Variants in CADPS observed in about 807,000 individuals in gnomAD.
The protein encoded by CADPS is calcium dependent secretion activator.
Under a neutral mutation model 167.3 loss-of-function variants are expected in CADPS, and 57 were observed. The observed-to-expected ratio is 0.34, with a 90% CI of 0.28 to 0.42. The LOEUF (loss-of-function observed/expected upper bound fraction) is 0.42. Among genes scored for constraint, CADPS ranks in the 20% least tolerant of loss-of-function variants. CADPS has a pLI of 1.00. For missense variants in CADPS, 1,414 were observed against 1,738.1 expected (o/e 0.81, Z 3.32); for synonymous variants, 676 against 635.3 (o/e 1.06, Z -0.96).
In CADPS at chr3:62,516,108, C is replaced by G. The variant is rs762089492; in HGVS notation, c.2532G>C (p.Gln844His). ...GCCGAGAATAGTTGACTAACGCAGC[C>G]TGTTCCAGACATTTACGGATAACTG... is the stretch of plus-strand genomic sequence containing the variant. ...VKTVIRKCLEQAALVNYSRLS... is the reference protein window; with the variant it reads ...VKTVIRKCLEHAALVNYSRLS... The change falls in exon 16 of 30, where the codon CAG becomes CAC. Residue 844 changes from glutamine to histidine, a missense_variant. Around this residue, in one of 6 missense-constraint regions of CADPS, gnomAD observed 529 missense variants for 629.6 expected, o/e 0.84. Transcript: ENST00000383710. 3.7e-6 allele frequency: 6 copies of G among 1,613,270 alleles called. No homozygotes were observed. In the African/African-American group the frequency reaches 4.0e-5, roughly 11 times the overall value.
intron 4 of CADPS, among the ~76,000 whole-genome samples, chr3:62,658,766 G>A (rs1004992044): frequency 6.6e-6 from 1 of 152,086 alleles, no homozygotes; most frequent in Admixed American, 6.6e-5. Context: ...TGTATTCAAC[G>A]AGACTTTCAC....
chr3:62,491,518 G>C lies in CADPS; in HGVS notation c.2885-38C>G, dbSNP rs762074047. 3.2e-6 allele frequency: 5 copies of C among 1,583,794 alleles called. No individual in the cohort carries two copies. The South Asian group carries it at 5.6e-5, about 18-fold the overall frequency. On this transcript the variant is annotated intron_variant, in intron 20 of 29. Coordinates refer to ENST00000383710, the MANE Select transcript of CADPS (RefSeq NM_003716.4). ...AGCAAAAGCTTGTTAAGAACCCACA[G>C]CTACTTTATCAACGTACAACACACA...
chr3:62,584,992 A>G (rs1040567546), intron 8 of CADPS, among the ~76,000 whole-genome samples, 193 bp downstream of exon 8: 2 of 152,384 alleles, frequency 1.3e-5, no homozygotes, highest in South Asian at 2.1e-4. Context: ...CTATTTTGAC[A>G]GCAAAAATGC....
At chr3:62,534,187 TGG>T (rs1027812248) in intron 12 of CADPS, among the ~76,000 whole-genome samples, 1 of 152,204 alleles carries the variant, frequency 6.6e-6, no homozygotes, top group Non-Finnish European at 1.5e-5. Context: ...GCTGGAAATT[TGG>T]GGCTATTTTA....
intron 28 of CADPS, among the ~76,000 whole-genome samples, chr3:62,406,788 C>G (rs545503425): frequency 6.6e-6 from 1 of 152,326 alleles, no homozygotes. Context: ...TCATAGACAA[C>G]AGGGCCCTTG....
intron 3 of CADPS, among the ~76,000 whole-genome samples, chr3:62,675,344 T>C (rs2076179768): frequency 6.6e-6 from 1 of 152,196 alleles, no homozygotes. Flanking sequence ...TTGGTTAAAG[T>C]GCTTAAAATA....
chr3:62,821,947 C>T (rs1011439361), intron 1 of CADPS, among the ~76,000 whole-genome samples: 3 of 152,150 alleles, frequency 2.0e-5, no homozygotes, highest in African/African-American at 7.2e-5. Context: ...GTCTCTGCCT[C>T]CTTGCTGGCT....
chr3:62,611,921 T>C (rs56319207), intron 6 of CADPS, among the ~76,000 whole-genome samples: 12 of 152,304 alleles, frequency 7.9e-5, no homozygotes, highest in African/African-American at 2.6e-4. Context: ...ATGTTTTATT[T>C]CTGTTTTTGT....
rs76017979 is a variant in CADPS at position 62,478,675 on chromosome 3, G to A, written c.3174-259C>T. 2.5e-3 allele frequency among the ~76,000 whole-genome samples: 386 copies of A among 152,292 alleles called. 6 individuals carry two copies. The highest frequency in any genetic ancestry group is 8.8e-3 in the African/African-American group (365 of 41,562). On this transcript the variant is annotated intron_variant, in intron 22 of 29. Transcript: ENST00000383710. The surrounding 1 kb of genome is among the most constrained non-coding windows in gnomAD (Gnocchi z 5.7). ...AGGTGTTGCCCCATAACAACCAGGA[G>A]AATGGTGTATGGTAAAAATCAGCCT...
At chr3:62,585,109 G>C (rs1308394767) in intron 8 of CADPS, 76 bp downstream of exon 8, 1 of 1,336,494 alleles carries the variant, frequency 7.5e-7, no homozygotes, top group Non-Finnish European at 1.1e-6. Context: ...TGAAGATCTT[G>C]TGTTTATTTT....
intron 3 of CADPS, among the ~76,000 whole-genome samples, chr3:62,741,285 T>C (rs1055447179): frequency 6.6e-6 from 1 of 152,120 alleles, no homozygotes; most frequent in East Asian, 1.9e-4. Flanking sequence ...AAGGCCAGCA[T>C]CATCTTGACA....
chr3:62,510,851 G>T (rs1039756794), intron 17 of CADPS, among the ~76,000 whole-genome samples: 2 of 151,960 alleles, frequency 1.3e-5, no homozygotes, highest in African/African-American at 4.8e-5. Flanking sequence ...GGGTAAGAAA[G>T]AAAAAACATT....
At chr3:62,450,831 CT>C (rs1445509188) in intron 26 of CADPS, among the ~76,000 whole-genome samples, 1 of 152,110 alleles carries the variant, frequency 6.6e-6, no homozygotes, top group Non-Finnish European at 1.5e-5. Context: ...CCTCAACAAC[CT>C]TTTGAGGGGG....
chr3:62,747,037 G>A (rs928252198), intron 3 of CADPS, among the ~76,000 whole-genome samples: 4 of 152,182 alleles, frequency 2.6e-5, no homozygotes, highest in African/African-American at 9.7e-5. Flanking sequence ...AGGACAATTA[G>A]TCAGGAGCCA....
At chr3:62,442,276 A>G (rs976361210) in intron 27 of CADPS, among the ~76,000 whole-genome samples, 1 of 151,414 alleles carries the variant, frequency 6.6e-6, no homozygotes, top group African/African-American at 2.4e-5. Flanking sequence ...CAATGGCACA[A>G]TCTCGGCTCA....
intron 23 of CADPS, among the ~76,000 whole-genome samples, chr3:62,475,437 T>C (rs1477655728): frequency 6.6e-6 from 1 of 152,032 alleles, no homozygotes; most frequent in Non-Finnish European, 1.5e-5. Context: ...AGCATTACTT[T>C]AAGAGGAATT....
chr3:62,800,797 A>G (rs11718938), intron 1 of CADPS, among the ~76,000 whole-genome samples: 26,897 of 152,190 alleles, frequency 0.18, 2,792 homozygotes, highest in Middle Eastern at 0.3. Flanking sequence ...CAAAACAACA[A>G]CAAAAAGATT....
At chr3:62,613,706 A>C (rs1277869807) in intron 6 of CADPS, among the ~76,000 whole-genome samples, 1 of 152,318 alleles carries the variant, frequency 6.6e-6, no homozygotes, top group Non-Finnish European at 1.5e-5. Context: ...AGATAATCTC[A>C]AAGGGATGTT....
At chr3:62,498,069 A>C (rs1281993032) in intron 18 of CADPS, 6 of 455,176 alleles carry the variant, frequency 1.3e-5, no homozygotes, top group African/African-American at 1.2e-4. Context: ...GAAAAGTCCC[A>C]TTAGAAGACA....
Sources: allele counts gnomAD v4.1 joint callset (sites outside exome capture counted in the v4.1 genomes callset), GRCh38; gene constraint gnomAD v4.1.1; regional missense constraint gnomAD v4.1.1; non-coding constraint Gnocchi (gnomAD v3.1); transcripts MANE v1.5; gene names NCBI Gene and HGNC (gene_info 2026-07-23, HGNC 2026-07-21).